PASD1: variants seen among roughly 807,000 people sequenced by gnomAD.
PASD1 encodes PAS domain containing repressor 1.
Under a neutral mutation model 58.8 loss-of-function variants are expected in PASD1, and 13 were observed. That is an observed-to-expected ratio of 0.22 (90% CI 0.14 to 0.35). The LOEUF (loss-of-function observed/expected upper bound fraction) is 0.35. Ranked by LOEUF, PASD1 falls within the 10% of genes least tolerant of loss-of-function variation. PASD1 has a pLI of 1.00. For missense variants in PASD1, 734 were observed against 568.3 expected (o/e 1.29, Z -2.96); for synonymous variants, 236 against 216.7 (o/e 1.09, Z -0.78).
At chrX:151,670,075 T>C (rs1287884736) in intron 11 of PASD1, among the ~76,000 whole-genome samples, 1 of 112,141 alleles carries the variant, frequency 8.9e-6, no homozygotes, top group Non-Finnish European at 1.9e-5. Context: ...TTAATTTCTC[T>C]CAAATGTGTC....
rs143109148 is a variant in PASD1 at position 151,659,407 on chromosome X, G to A, written c.718-306G>A. Reference sequence around the variant, plus strand: ...ACTGACACCACTGAAAGGCAGAATTGTTTTTGCCATGCCTTTTGATCTATA... The same window carrying A: ...ACTGACACCACTGAAAGGCAGAATTATTTTTGCCATGCCTTTTGATCTATA... On this transcript the variant is annotated intron_variant, in intron 9 of 15. Transcript: ENST00000370357. Among the ~76,000 whole-genome samples, 339 of 112,124 alleles carry A rather than the reference G, an allele frequency of 3.0e-3. 2 individuals carry two copies. The highest frequency in any genetic ancestry group is 0.01 in the African/African-American group (324 of 30,899).
chrX:151,672,752 T>TGTG, intron 14 of PASD1, 91 bp downstream of exon 14: 1 of 1,138,249 alleles, frequency 8.8e-7, no homozygotes, highest in Non-Finnish European at 1.2e-6. Flanking sequence ...ACAGACGACC[T>TGTG]ATCCATGTGG....
chrX:151,657,623 C>T (rs1441154698), intron 9 of PASD1, among the ~76,000 whole-genome samples: 1 of 111,673 alleles, frequency 9.0e-6, no homozygotes, highest in Non-Finnish European at 1.9e-5. Flanking sequence ...TCCATTTCTT[C>T]TACATTTTCT....
At chrX:151,576,096 G>T (rs1485598405) in intron 1 of PASD1, among the ~76,000 whole-genome samples, 3 of 107,518 alleles carry the variant, frequency 2.8e-5, no homozygotes, top group African/African-American at 6.8e-5. Context: ...TCGAACTCCT[G>T]ACCTCAAGTG....
At chrX:151,608,202 C>T (rs2124258447) in intron 3 of PASD1, among the ~76,000 whole-genome samples, 1 of 111,539 alleles carries the variant, frequency 9.0e-6, no homozygotes, top group South Asian at 3.8e-4. Flanking sequence ...TATTGCTCCA[C>T]ATCCTTGCTA....
At chrX:151,575,938 A>G (rs1458346733) in intron 1 of PASD1, among the ~76,000 whole-genome samples, 1 of 110,692 alleles carries the variant, frequency 9.0e-6, no homozygotes, top group Non-Finnish European at 1.9e-5. Flanking sequence ...GTCTTGGCTC[A>G]CTGCAACCTC....
At chrX:151,574,216 C>T (rs747480019) in intron 1 of PASD1, among the ~76,000 whole-genome samples, 2 of 112,443 alleles carry the variant, frequency 1.8e-5, no homozygotes, top group Admixed American at 9.4e-5. Flanking sequence ...ACTGTGGGCA[C>T]CTAGCCAGGT....
chrX:151,632,756 TTTTA>T (rs2013884074), intron 8 of PASD1, among the ~76,000 whole-genome samples: 1 of 111,790 alleles, frequency 8.9e-6, no homozygotes, highest in Non-Finnish European at 1.9e-5. Flanking sequence ...AATGCTCAGG[TTTTA>T]TTTCTCAGTT....
chrX:151,632,884 AAAG>A (rs1395406210), intron 8 of PASD1, among the ~76,000 whole-genome samples: 16 of 111,164 alleles, frequency 1.4e-4, no homozygotes, highest in African/African-American at 4.9e-4. Flanking sequence ...ATAAAAAAAA[AAAG>A]AAATAAGATC....
At chrX:151,675,932 A>G in intron 15 of PASD1, 65 bp from the exon 16 acceptor site, 1 of 1,131,355 alleles carries the variant, frequency 8.8e-7, no homozygotes, top group Middle Eastern at 2.4e-4. Context: ...GATTCCTCCT[A>G]CCACCAAAAA....
chrX:151,583,681 A>G (rs920007391), intron 1 of PASD1, among the ~76,000 whole-genome samples: 13 of 112,389 alleles, frequency 1.2e-4, no homozygotes, highest in African/African-American at 3.9e-4. Context: ...ATTGACTTCA[A>G]TGCCTCTCCT....
intron 8 of PASD1, among the ~76,000 whole-genome samples, chrX:151,644,723 T>C (rs1360343470): frequency 9.3e-6 from 1 of 107,647 alleles, no homozygotes. Flanking sequence ...ACGTAATTTT[T>C]CTTTTTTTTT....
intron 12 of PASD1, 75 bp from the exon 13 acceptor site, chrX:151,671,498 A>C (rs1262317262): frequency 9.0e-7 from 1 of 1,111,619 alleles, no homozygotes. Context: ...GTCCTGCTCC[A>C]TGCCCAGCTT....
At chrX:151,667,431 G>C (rs1327459738) in intron 11 of PASD1, among the ~76,000 whole-genome samples, 1 of 111,609 alleles carries the variant, frequency 9.0e-6, no homozygotes, top group African/African-American at 3.3e-5. Context: ...ATTGCTTTCG[G>C]TGTTTTAGAC....
intron 9 of PASD1, among the ~76,000 whole-genome samples, chrX:151,653,864 CTCCCTCTTTCTT>C (rs2014191128): frequency 3.9e-5 from 1 of 25,497 alleles, no homozygotes; most frequent in African/African-American, 1.2e-4. Flanking sequence ...CCCTCCCTCC[CTCCCTCTTTCTT>C]TCTTTCTTTC....
chrX:151,634,867 C>CTTA (rs2013908787), intron 8 of PASD1, among the ~76,000 whole-genome samples: 1 of 111,546 alleles, frequency 9.0e-6, no homozygotes, highest in Admixed American at 9.5e-5. Context: ...TTTTAAGTAA[C>CTTA]TTATGGGAAA....
intron 12 of PASD1, 150 bp downstream of exon 12, chrX:151,671,346 T>TCTAATGTGATCTC: frequency 1.3e-6 from 1 of 746,894 alleles, no homozygotes; most frequent in Non-Finnish European, 2.0e-6. Flanking sequence ...ATATGGGATA[T>TCTAATGTGATCTC]CTAATGTGAT....
chrX:151,672,936 A>T (rs1246599998), intron 14 of PASD1: 3 of 322,300 alleles, frequency 9.3e-6, no homozygotes, highest in Non-Finnish European at 1.6e-5. Flanking sequence ...ATTAGCCCAC[A>T]AACCTTGAAA....
intron 9 of PASD1, among the ~76,000 whole-genome samples, chrX:151,655,027 T>C (rs1447002164): frequency 1.8e-5 from 2 of 108,344 alleles, no homozygotes; most frequent in Non-Finnish European, 3.8e-5. Flanking sequence ...TGACAGGCCC[T>C]GGTGTGTGAT....
Sources: allele counts gnomAD v4.1 joint callset (sites outside exome capture counted in the v4.1 genomes callset), GRCh38; gene constraint gnomAD v4.1.1; transcripts MANE v1.5; gene names NCBI Gene and HGNC (gene_info 2026-07-23, HGNC 2026-07-21).